The following ACKR3 variants were observed in gnomAD, a reference collection of about 807,000 sequenced individuals.
The protein encoded by ACKR3 is C-X-C chemokine receptor type 7.
In ACKR3, 6 loss-of-function variants were observed where a neutral mutation model predicts 22.4. The observed-to-expected ratio is 0.27, with a 90% CI of 0.15 to 0.53. The LOEUF (loss-of-function observed/expected upper bound fraction) is 0.53, where lower values mean the gene tolerates loss of function less well. Among genes scored for constraint, ACKR3 ranks in the 20% least tolerant of loss-of-function variants. ACKR3 has a pLI of 0.96. For synonymous variants in ACKR3, 209 were observed against 205.2 expected (o/e 1.02, Z -0.16); for missense variants, 396 against 475.2 (o/e 0.83, Z 1.55).
rs967906758 is a variant in ACKR3 at position 236,581,535 on chromosome 2, T to C, written c.1070T>C (p.Leu357Ser). 1.2e-6 allele frequency: 2 copies of C among 1,613,920 alleles called. No individual in the cohort carries two copies. Among genetic ancestry groups the C allele is most frequent in the East Asian group, 2.2e-5 (1 of 44,870 alleles). Residue 357 changes from leucine (L) to serine (S), a missense_variant, in exon 2 of 2, where the codon TTG becomes TCG. Coordinates refer to ENST00000272928, the MANE Select transcript of ACKR3 (RefSeq NM_020311.3). This position sits in a 1 kb window ranked among gnomAD's most constrained non-coding sequence, Gnocchi z 4.4. ...GTCTCAGAGACGGAGTACTCTGCCT[T>C]GGAGCAGAGCACCAAATGATCTGCC... ...SRVSETEYSA[L>S]EQSTK
the ACKR3 span, among the ~76,000 whole-genome samples, chr2:236,549,019 T>C: frequency 2.4e-4 from 37 of 152,344 alleles, no homozygotes; most frequent in African/African-American, 8.7e-4. This position sits in a 1 kb window ranked among gnomAD's most constrained non-coding sequence, Gnocchi z 5.3. Flanking sequence ...GTGAAAAACC[T>C]TAATTACCTT....
chr2:236,557,924 T>G, the ACKR3 span, among the ~76,000 whole-genome samples: 213 of 152,272 alleles, frequency 1.4e-3, 1 homozygote, highest in Middle Eastern at 0.01. Context: ...TGGAAGGATA[T>G]TCTACAAAAT....
chr2:236,568,547 CG>C (rs899356200), upstream of ACKR3, among the ~76,000 whole-genome samples: 3 of 152,210 alleles, frequency 2.0e-5, no homozygotes, highest in African/African-American at 7.2e-5. Flanking sequence ...ACGCTGCGCT[CG>C]GGCTGGGAAA....
the ACKR3 span, among the ~76,000 whole-genome samples, chr2:236,560,844 T>C: frequency 6.6e-6 from 1 of 152,188 alleles, no homozygotes; most frequent in African/African-American, 2.4e-5. Flanking sequence ...CCTGAGGAGA[T>C]ACAAACACTT....
chr2:236,576,052 C>G (rs1389225251), intron 1 of ACKR3, among the ~76,000 whole-genome samples: 1 of 152,162 alleles, frequency 6.6e-6, no homozygotes, highest in Admixed American at 6.5e-5. Flanking sequence ...AGAAGTGGGT[C>G]TCATTCCCCT....
rs890702146 is a variant in ACKR3 at position 236,577,925 on chromosome 2, C to T, written c.-26-2515C>T. Among the ~76,000 whole-genome samples the T allele has an allele frequency of 3.3e-5, 5 of 152,170 alleles. No homozygotes were observed. Among genetic ancestry groups the T allele is most frequent in the Non-Finnish European group, 7.4e-5 (5 of 68,024 alleles). ...TCCCTGCTGCTGCCCAGCTGTGGGG[C>T]GGTCCTCCATTCAAGCTCCTCTGCT... On this transcript the variant is annotated intron_variant, in intron 1 of 1. Transcript: ENST00000272928. The surrounding 1 kb of genome is among the most constrained non-coding windows in gnomAD (Gnocchi z 5.6).
chr2:236,563,306 G>A (rs1346124160), upstream of ACKR3, among the ~76,000 whole-genome samples: 11 of 152,126 alleles, frequency 7.2e-5, no homozygotes, highest in Admixed American at 2.0e-4. Context: ...TCCGGCACGC[G>A]CCAAGCACAG....
chr2:236,541,952 CTT>C, the ACKR3 span, among the ~76,000 whole-genome samples: 13 of 150,670 alleles, frequency 8.6e-5, no homozygotes, highest in African/African-American at 3.2e-4. Flanking sequence ...TATTAAACCT[CTT>C]TTTTTTTTCC....
chr2:236,545,465 A>G, the ACKR3 span, among the ~76,000 whole-genome samples: 1 of 152,242 alleles, frequency 6.6e-6, no homozygotes, highest in Non-Finnish European at 1.5e-5. The surrounding 1 kb of genome is among the most constrained non-coding windows in gnomAD (Gnocchi z 5.3). Context: ...AGATGTCTGT[A>G]GGAAAGACAC....
At chr2:236,538,305 A>G in the ACKR3 span, among the ~76,000 whole-genome samples, 5 of 152,262 alleles carry the variant, frequency 3.3e-5, no homozygotes, top group Non-Finnish European at 5.9e-5. Flanking sequence ...AGCAGAACAG[A>G]CACAGATTGC....
At chr2:236,557,130 G>A in the ACKR3 span, among the ~76,000 whole-genome samples, 1 of 152,328 alleles carries the variant, frequency 6.6e-6, no homozygotes, top group Non-Finnish European at 1.5e-5. Flanking sequence ...TATGGAGAAA[G>A]GAGTTACAAA....
chr2:236,579,757 C>T (rs1426198962), intron 1 of ACKR3, among the ~76,000 whole-genome samples: 3 of 152,198 alleles, frequency 2.0e-5, no homozygotes, highest in African/African-American at 7.2e-5. Flanking sequence ...ACCACACGGC[C>T]AACCCAGAGT....
At chr2:236,546,935 C>T in the ACKR3 span, among the ~76,000 whole-genome samples, 1 of 152,340 alleles carries the variant, frequency 6.6e-6, no homozygotes, top group African/African-American at 2.4e-5. This position sits in a 1 kb window ranked among gnomAD's most constrained non-coding sequence, Gnocchi z 4.9. Flanking sequence ...GGTGGTTGTT[C>T]CCACTGTAAA....
At chr2:236,555,904 G>C in the ACKR3 span, among the ~76,000 whole-genome samples, 1 of 152,044 alleles carries the variant, frequency 6.6e-6, no homozygotes, top group East Asian at 1.9e-4. Flanking sequence ...ACTTTAGCTA[G>C]AACTGGGAAT....
chr2:236,568,602 G>A (rs375116489), upstream of ACKR3, among the ~76,000 whole-genome samples: 1 of 152,234 alleles, frequency 6.6e-6, no homozygotes, highest in African/African-American at 2.4e-5. Context: ...CGGAGAGCAG[G>A]TGTGCACCTC....
At chr2:236,547,139 C>A in the ACKR3 span, among the ~76,000 whole-genome samples, 1 of 152,158 alleles carries the variant, frequency 6.6e-6, no homozygotes, top group Admixed American at 6.5e-5. Flanking sequence ...GGTTGTGAGA[C>A]CTCAGCAATA....
chr2:236,540,311 T>C, the ACKR3 span, among the ~76,000 whole-genome samples: 4 of 152,182 alleles, frequency 2.6e-5, no homozygotes, highest in Admixed American at 6.5e-5. Flanking sequence ...ATTTGCTTAA[T>C]GACCATTCAT....
chr2:236,539,453 C>T, the ACKR3 span, among the ~76,000 whole-genome samples: 2 of 151,862 alleles, frequency 1.3e-5, no homozygotes, highest in Admixed American at 6.6e-5. Flanking sequence ...GCTGGGATTA[C>T]AGGTGTTCAC....
chr2:236,540,916 C>T, the ACKR3 span, among the ~76,000 whole-genome samples: 1 of 152,242 alleles, frequency 6.6e-6, no homozygotes, highest in Non-Finnish European at 1.5e-5. Flanking sequence ...ATTTAAATCA[C>T]TTGTACCCAA....
Sources: allele counts gnomAD v4.1 joint callset (sites outside exome capture counted in the v4.1 genomes callset), GRCh38; gene constraint gnomAD v4.1.1; non-coding constraint Gnocchi (gnomAD v3.1); transcripts MANE v1.5; gene names NCBI Gene and HGNC (gene_info 2026-07-23, HGNC 2026-07-21).